DIAPH3: variants seen among roughly 807,000 people sequenced by gnomAD.
DIAPH3 encodes the protein protein diaphanous homolog 3.
A neutral mutation model predicts 144.3 loss-of-function variants in DIAPH3; 117 were observed. That is an observed-to-expected ratio of 0.81 (90% CI 0.70 to 0.95). DIAPH3 has a LOEUF of 0.95. Ranked by LOEUF, DIAPH3 falls within the 40% of genes least tolerant of loss-of-function variation. The pLI is 0.00. For missense variants in DIAPH3, 1,421 were observed against 1,412.7 expected (o/e 1.01, Z -0.09); for synonymous variants, 519 against 488.9 (o/e 1.06, Z -0.81).
intron 17 of DIAPH3, among the ~76,000 whole-genome samples, chr13:59,932,443 T>A (rs2048065510): frequency 6.6e-6 from 1 of 152,126 alleles, no homozygotes; most frequent in African/African-American, 2.4e-5. Context: ...CTTAGGGTAA[T>A]TTTAAGCAAT....
At chr13:59,679,040 T>A (rs890134598) in intron 27 of DIAPH3, among the ~76,000 whole-genome samples, 2 of 152,212 alleles carry the variant, frequency 1.3e-5, no homozygotes, top group African/African-American at 2.4e-5. Context: ...AACTGCAGTT[T>A]CAATTCTGAT....
At chr13:60,057,231 C>T (rs2056592529) in intron 4 of DIAPH3, among the ~76,000 whole-genome samples, 1 of 151,820 alleles carries the variant, frequency 6.6e-6, no homozygotes, top group Non-Finnish European at 1.5e-5. Flanking sequence ...GTACACAAAT[C>T]AGTAGTACTG....
At chr13:60,059,176 G>GA (rs1036647562) in intron 4 of DIAPH3, among the ~76,000 whole-genome samples, 41 of 147,282 alleles carry the variant, frequency 2.8e-4, no homozygotes, top group African/African-American at 5.0e-4. Context: ...TTATAAAATA[G>GA]AAAAAAAAAA....
intron 27 of DIAPH3, among the ~76,000 whole-genome samples, chr13:59,697,490 A>AAAAG: frequency 6.8e-6 from 1 of 146,584 alleles, no homozygotes; most frequent in East Asian, 2.0e-4. Context: ...AAAAAAAAAA[A>AAAAG]AAAGAAGAGG....
intron 8 of DIAPH3, among the ~76,000 whole-genome samples, chr13:60,010,274 C>T (rs2053155157): frequency 6.6e-6 from 1 of 151,656 alleles, no homozygotes. Context: ...TTTAGGGTTT[C>T]AGTTAAAAAA....
chr13:60,029,032 C>T (rs1439575547), intron 5 of DIAPH3, among the ~76,000 whole-genome samples: 1 of 148,712 alleles, frequency 6.7e-6, no homozygotes, highest in Non-Finnish European at 1.5e-5. Flanking sequence ...GCACTCCAGT[C>T]TGGTGACAGA....
intron 4 of DIAPH3, among the ~76,000 whole-genome samples, chr13:60,068,475 C>G (rs2057062073): frequency 2.0e-5 from 3 of 152,050 alleles, no homozygotes; most frequent in African/African-American, 7.2e-5. Flanking sequence ...AGATCCTTAG[C>G]CCATTTTTCT....
At chr13:59,907,020 A>G (rs535451430) in intron 20 of DIAPH3, among the ~76,000 whole-genome samples, 22 of 152,358 alleles carry the variant, frequency 1.4e-4, no homozygotes, top group Non-Finnish European at 2.9e-4. Context: ...TAAGTAGGTA[A>G]TATTTTGGAA....
At chr13:59,853,045 T>C (rs989428179) in intron 22 of DIAPH3, among the ~76,000 whole-genome samples, 1 of 152,134 alleles carries the variant, frequency 6.6e-6, no homozygotes, top group Non-Finnish European at 1.5e-5. Flanking sequence ...CTGGGTTAAG[T>C]ACTAATATTG....
chr13:59,953,341 G>A (rs2140451186), intron 17 of DIAPH3, among the ~76,000 whole-genome samples: 1 of 152,228 alleles, frequency 6.6e-6, no homozygotes, highest in Admixed American at 6.5e-5. Context: ...AGGAGTGGGA[G>A]AATAAAATGT....
chr13:59,823,427 G>C (rs902375521), intron 24 of DIAPH3, among the ~76,000 whole-genome samples: 1 of 152,150 alleles, frequency 6.6e-6, no homozygotes, highest in Non-Finnish European at 1.5e-5. Context: ...TTCTAGGTTT[G>C]TGGCATTTAG....
intron 17 of DIAPH3, among the ~76,000 whole-genome samples, chr13:59,953,899 AT>A (rs796184357): frequency 7.7e-4 from 117 of 152,298 alleles, no homozygotes; most frequent in Non-Finnish European, 1.3e-3. Context: ...TTTGGAAGCT[AT>A]TTTTTTAAAG....
At chr13:59,877,151 A>G (rs2044682406) in intron 21 of DIAPH3, among the ~76,000 whole-genome samples, 1 of 152,186 alleles carries the variant, frequency 6.6e-6, no homozygotes, top group Non-Finnish European at 1.5e-5. Flanking sequence ...ATGCCCTTTA[A>G]GATACTGAGG....
rs78702887 is a variant in DIAPH3 at position 60,143,087 on chromosome 13, A to G, written c.181-10098T>C. On this transcript the variant is annotated intron_variant, in intron 1 of 27. Coordinates refer to ENST00000400324, the MANE Select transcript of DIAPH3 (RefSeq NM_001042517.2). ...TTTCTCTTTTAATACTTTCCTAAAT[A>G]ATCCTCACCTTAAACCAACCTACCT... Among the ~76,000 whole-genome samples the G allele has an allele frequency of 3.4e-3, 510 of 152,050 alleles. 3 individuals are homozygous for G. Among genetic ancestry groups the G allele is most frequent in the African/African-American group, 0.012 (486 of 41,456 alleles).
At chr13:59,692,142 T>A (rs2033560927) in intron 27 of DIAPH3, among the ~76,000 whole-genome samples, 1 of 105,082 alleles carries the variant, frequency 9.5e-6, no homozygotes, top group Admixed American at 9.4e-5. Context: ...AAATTCTTTT[T>A]TTTTTTTTTT....
intron 5 of DIAPH3, among the ~76,000 whole-genome samples, chr13:60,029,489 T>C (rs2141088681): frequency 6.6e-6 from 1 of 152,284 alleles, no homozygotes; most frequent in East Asian, 1.9e-4. Context: ...GTGGAGGTAA[T>C]GGGATCATGG....
In DIAPH3 at chr13:59,921,619, T is replaced by A. The variant is rs575098790; in HGVS notation, c.2170+3156A>T. 6.6e-5 allele frequency among the ~76,000 whole-genome samples: 10 copies of A among 151,972 alleles called. No individual in the cohort carries two copies. In the South Asian group the frequency reaches 2.1e-3, roughly 32 times the overall value. ...TTTCCCACCAAAGAAAAGCTGAGGA[T>A]CTAATACATTTGCTGCTTAATTCTA... On this transcript the variant is annotated intron_variant, in intron 18 of 27. Transcript: ENST00000400324.
intron 25 of DIAPH3, among the ~76,000 whole-genome samples, chr13:59,785,956 T>C (rs2039011349): frequency 6.6e-6 from 1 of 152,186 alleles, no homozygotes; most frequent in African/African-American, 2.4e-5. Context: ...CCTGGATCTG[T>C]AGCATCCATC....
At chr13:60,149,568 C>T (rs1171745423) in intron 1 of DIAPH3, among the ~76,000 whole-genome samples, 2 of 151,856 alleles carry the variant, frequency 1.3e-5, no homozygotes, top group Admixed American at 6.6e-5. Flanking sequence ...CAGGGCAACA[C>T]GATGAGACCC....
Sources: gnomAD v4.1 joint callset for allele counts (sites outside exome capture counted in the v4.1 genomes callset) on GRCh38, gnomAD v4.1.1 for gene constraint, MANE v1.5 for transcripts, NCBI Gene and HGNC (gene_info 2026-07-23, HGNC 2026-07-21) for gene names.